The following FYB2 variants were observed in gnomAD, a reference collection of about 807,000 sequenced individuals.
FYB2 encodes the protein FYN binding protein 2, also known as FYN-binding protein 2.
A neutral mutation model predicts 94.1 loss-of-function variants in FYB2; 103 were observed. The ratio of observed to expected loss-of-function variants is 1.09; its 90% CI spans 0.93 to 1.29. The LOEUF (loss-of-function observed/expected upper bound fraction) is 1.29. Ranked by LOEUF, FYB2 falls within the 50% of genes most tolerant of loss-of-function variation. The probability of loss-of-function intolerance (pLI) is 0.00; values close to 1 mark genes in which losing one functional copy is unlikely to be tolerated. For missense variants in FYB2, 896 were observed against 841.5 expected (o/e 1.06, Z -0.80); for synonymous variants, 293 against 287.9 (o/e 1.02, Z -0.18).
intron 1 of FYB2, among the ~76,000 whole-genome samples, chr1:56,808,479 T>C (rs1425063124): frequency 2.0e-4 from 30 of 152,204 alleles, no homozygotes; most frequent in Admixed American, 2.0e-3. Context: ...TCTTCTTTAC[T>C]CCAAGAACTT....
At chr1:56,788,863 G>T (rs1420839859) in intron 3 of FYB2, 110 bp downstream of exon 3, 1 of 1,430,502 alleles carries the variant, frequency 7.0e-7, no homozygotes, top group Non-Finnish European at 9.8e-7. Flanking sequence ...AAGCAGTGAT[G>T]GATGTCCAGC....
intron 1 of FYB2, among the ~76,000 whole-genome samples, chr1:56,800,937 G>T (rs1308926278): frequency 6.6e-6 from 1 of 152,116 alleles, no homozygotes; most frequent in East Asian, 1.9e-4. Flanking sequence ...CCGATGACTT[G>T]TCTTCCCCTA....
upstream of FYB2, among the ~76,000 whole-genome samples, chr1:56,823,093 T>C (rs1435342462): frequency 6.6e-6 from 1 of 152,214 alleles, no homozygotes. Context: ...ATATATTTTC[T>C]TCTATTCCTC....
chr1:56,745,491 C>A (rs140492616), intron 9 of FYB2, among the ~76,000 whole-genome samples: 3 of 151,994 alleles, frequency 2.0e-5, no homozygotes, highest in African/African-American at 4.8e-5. Context: ...CGATTCATTT[C>A]TCTCTCATTT....
intron 1 of FYB2, among the ~76,000 whole-genome samples, chr1:56,814,745 A>G (rs1270486960): frequency 6.6e-6 from 1 of 152,228 alleles, no homozygotes; most frequent in East Asian, 1.9e-4. Flanking sequence ...AGTTAAGAGC[A>G]GACCATCCTT....
At chr1:56,818,455 AACACACACACACACACACACACACAC>A (rs3991685) in intron 1 of FYB2, among the ~76,000 whole-genome samples, 10 of 139,966 alleles carry the variant, frequency 7.1e-5, no homozygotes, top group African/African-American at 1.6e-4. Context: ...GTATGGAAGC[AACACACACACACACACACACACACAC>A]ACACACACAC....
At chr1:56,789,776 T>C (rs1379123626) in intron 2 of FYB2, among the ~76,000 whole-genome samples, 3 of 152,178 alleles carry the variant, frequency 2.0e-5, no homozygotes, top group East Asian at 1.9e-4. Flanking sequence ...TGGTTTTGTA[T>C]TGATCCCCCA....
intron 2 of FYB2, among the ~76,000 whole-genome samples, chr1:56,791,071 C>A (rs1344966716): frequency 1.3e-5 from 2 of 152,020 alleles, no homozygotes; most frequent in African/African-American, 4.8e-5. Context: ...CCATGAAGAC[C>A]ACAAAGCAAG....
At chr1:56,757,522 ATTGGTCCC>A (rs1645362299) in intron 6 of FYB2, among the ~76,000 whole-genome samples, 1 of 152,056 alleles carries the variant, frequency 6.6e-6, no homozygotes, top group Non-Finnish European at 1.5e-5. Context: ...TGAAACAAGT[ATTGGTCCC>A]TTTATTTATT....
intron 12 of FYB2, 62 bp from the exon 13 acceptor site, chr1:56,740,857 T>C: frequency 8.9e-7 from 1 of 1,120,672 alleles, no homozygotes; most frequent in South Asian, 1.6e-5. Flanking sequence ...GATAGAAGGC[T>C]GTTGTATTAT....
intron 11 of FYB2, 67 bp downstream of exon 11, chr1:56,743,959 A>G: frequency 1.3e-6 from 2 of 1,487,646 alleles, no homozygotes; most frequent in Admixed American, 1.9e-5. Context: ...ACATCTTATC[A>G]CTAATCAGCC....
chr1:56,763,194 C>T (rs1645540497), intron 5 of FYB2, among the ~76,000 whole-genome samples: 2 of 152,086 alleles, frequency 1.3e-5, no homozygotes, highest in East Asian at 3.9e-4. Flanking sequence ...TATGACTATG[C>T]TAATTAAGGA....
chr1:56,766,285 T>G (rs544495006), intron 5 of FYB2, among the ~76,000 whole-genome samples: 5 of 152,248 alleles, frequency 3.3e-5, no homozygotes, highest in Admixed American at 1.3e-4. Flanking sequence ...ACTCTGAGTA[T>G]GGGGCAGCAC....
chr1:56,779,720 T>G (rs1738410), intron 4 of FYB2, among the ~76,000 whole-genome samples: 152,272 of 152,274 alleles, frequency 1, 76,135 homozygotes, highest in Non-Finnish European at 1. Flanking sequence ...ATTATTGCTT[T>G]CATGCCCACT....
rs1645182292 is a variant in FYB2, at chr1:56,750,939, A to C, written c.1387+105T>G. The C allele has an allele frequency of 2.2e-6, 3 of 1,358,066 alleles. No individual in the cohort carries two copies. The East Asian group carries it at 7.0e-5, about 32-fold the overall frequency. The allele number at this position is 1,358,066 out of a possible 1,614,324, so 84.1% of individuals were successfully genotyped here. A position where few individuals can be genotyped will look rare whatever the true frequency, so the allele number is the denominator to read the frequency against. On this transcript the variant is annotated intron_variant, in intron 9 of 19. Transcript: ENST00000343433. ...CACTAGGGCAAGTTGCTTGGCACAA[A>C]ATAGATGTTCAATAAATATTGGTAA...
In FYB2 at chr1:56,819,361, C is replaced by T. The variant is rs372665337; in HGVS notation, c.-71G>A. 5.8e-5 allele frequency: 92 copies of T among 1,596,948 alleles called. No homozygotes were observed. Among genetic ancestry groups the T allele is most frequent in the South Asian group, 2.0e-4 (18 of 90,686 alleles). ...GAGCTGGGTCCTGGGGCCAACAATC[C>T]GCTTTCCTCTGTCTCTGCTAGCCAG... On this transcript the variant is annotated 5_prime_UTR_variant, in exon 1 of 20. Coordinates refer to ENST00000343433, the MANE Select transcript of FYB2 (RefSeq NM_001004303.5).
At chr1:56,765,276 G>T (rs749775332) in intron 5 of FYB2, among the ~76,000 whole-genome samples, 11 of 152,174 alleles carry the variant, frequency 7.2e-5, no homozygotes, top group Non-Finnish European at 1.3e-4. Flanking sequence ...TTTCTACTAG[G>T]TCTCCTCTGA....
chr1:56,764,550 A>AT (rs3034106), intron 5 of FYB2, among the ~76,000 whole-genome samples: 30,075 of 147,858 alleles, frequency 0.2, 3,299 homozygotes, highest in African/African-American at 0.29. Flanking sequence ...TAACATTGTC[A>AT]TTTTTTTTTT....
chr1:56,782,417 G>T (rs909883168), intron 4 of FYB2, among the ~76,000 whole-genome samples: 1 of 151,802 alleles, frequency 6.6e-6, no homozygotes, highest in Non-Finnish European at 1.5e-5. Context: ...TTACTTGAAG[G>T]CCTTTGATAA....
Sources: gnomAD v4.1 joint callset for allele counts (sites outside exome capture counted in the v4.1 genomes callset) on GRCh38, gnomAD v4.1.1 for gene constraint, MANE v1.5 for transcripts, NCBI Gene and HGNC (gene_info 2026-07-23, HGNC 2026-07-21) for gene names.